Variants in GMPR observed in about 807,000 individuals in gnomAD.
The protein encoded by GMPR is guanosine monophosphate reductase, also known as GMP reductase 1.
In GMPR, 31 loss-of-function variants were observed where a neutral mutation model predicts 38.4. That is an observed-to-expected ratio of 0.81 (90% CI 0.61 to 1.09). The LOEUF (loss-of-function observed/expected upper bound fraction) is 1.09, where lower values mean the gene tolerates loss of function less well. GMPR is among the 50% of genes least tolerant of loss of function. The pLI is 0.00. For synonymous variants in GMPR, 162 were observed against 173.3 expected, an observed-to-expected ratio of 0.93 and a Z score of 0.51; for missense variants, 468 against 453.7, an observed-to-expected ratio of 1.03 and a Z score of -0.29.
rs760571328 is a variant in GMPR at position 16,290,464 on chromosome 6, G to A, written c.700G>A (p.Ala234Thr). The A allele has an allele frequency of 2.2e-5, 36 of 1,613,708 alleles. No homozygotes were observed. Among genetic ancestry groups the A allele is most frequent in the Non-Finnish European group, 2.5e-5 (30 of 1,179,696 alleles). ...CPGDVAKAFGAGADFVMLGGM... is the reference protein window; with the variant it reads ...CPGDVAKAFGTGADFVMLGGM... ...TCATCCCCACCGTTGGCATTTAGGA[G>A]CTGGAGCAGATTTTGTCATGCTGGG... Residue 234 changes from alanine to threonine, a missense_variant and splice_region_variant, in exon 8 of 9, where the codon GCT (alanine) becomes ACT (threonine). Physicochemically the swap from Ala to Thr is moderately conservative, Grantham distance 58. Coordinates refer to ENST00000259727, the MANE Select transcript of GMPR (RefSeq NM_006877.4).
chr6:16,288,166 C>T (rs1338461231), intron 7 of GMPR, among the ~76,000 whole-genome samples: 1 of 152,254 alleles, frequency 6.6e-6, no homozygotes, highest in African/African-American at 2.4e-5. Context: ...ACTTGAGGAG[C>T]CCTTCAGCCC....
chr6:16,257,432 T>G (rs1484815327), intron 4 of GMPR, among the ~76,000 whole-genome samples: 1 of 152,184 alleles, frequency 6.6e-6, no homozygotes, highest in East Asian at 1.9e-4. Flanking sequence ...TATTTGAGAT[T>G]CACCACATTG....
At chr6:16,291,908 C>CAA (rs758154367) in intron 8 of GMPR, among the ~76,000 whole-genome samples, 10 of 78,512 alleles carry the variant, frequency 1.3e-4, no homozygotes, top group Admixed American at 2.7e-4. Flanking sequence ...GATACCCTGC[C>CAA]AAAAAAAAAA....
In GMPR at chr6:16,295,003, C is replaced by T. The variant is rs1204691860; in HGVS notation, c.858-3C>T. On this transcript the variant is annotated splice_polypyrimidine_tract_variant and splice_region_variant and intron_variant, in intron 8 of 8. Transcript: ENST00000259727. ...TAAAAAGAAAACTTCTATCGTCTTC[C>T]AGAGCCTCTGAGGGTAAGACTGTGG... 2 of 1,605,300 alleles carry T rather than the reference C, an allele frequency of 1.2e-6. No individual in the cohort carries two copies. The highest frequency in any genetic ancestry group is 1.7e-6 in the Non-Finnish European group (2 of 1,175,596).
intron 4 of GMPR, among the ~76,000 whole-genome samples, chr6:16,261,113 G>T (rs1759076229): frequency 6.6e-6 from 1 of 151,948 alleles, no homozygotes; most frequent in African/African-American, 2.4e-5. Context: ...AAACAGTAAG[G>T]TCAAGTTGTT....
At chr6:16,281,386 G>C (rs1353778191) in intron 6 of GMPR, among the ~76,000 whole-genome samples, 2 of 152,350 alleles carry the variant, frequency 1.3e-5, no homozygotes, top group South Asian at 4.1e-4. Flanking sequence ...GAATTTAACA[G>C]TTAGGGACAA....
At chr6:16,286,919 A>G (rs572595149) in intron 7 of GMPR, among the ~76,000 whole-genome samples, 1 of 152,358 alleles carries the variant, frequency 6.6e-6, no homozygotes, top group Admixed American at 6.5e-5. Flanking sequence ...AATATAAAAA[A>G]TAAAAATTAA....
intron 3 of GMPR, 92 bp downstream of exon 3, chr6:16,250,459 G>A (rs1758849732): frequency 1.3e-6 from 1 of 787,150 alleles, no homozygotes; most frequent in Non-Finnish European, 2.3e-6. Flanking sequence ...GTAGCAGAGA[G>A]ACATTGAGAG....
intron 1 of GMPR, among the ~76,000 whole-genome samples, chr6:16,243,096 A>T (rs975065558): frequency 3.9e-5 from 6 of 152,174 alleles, no homozygotes; most frequent in Admixed American, 3.9e-4. Context: ...AATTCAACCC[A>T]TAACAGACAG....
chr6:16,266,728 A>G (rs1268947924), intron 4 of GMPR, among the ~76,000 whole-genome samples: 2 of 150,988 alleles, frequency 1.3e-5, no homozygotes, highest in African/African-American at 2.4e-5. Context: ...GGAGAATTGC[A>G]TGAACCTGGG....
At chr6:16,257,375 A>G (rs1396790461) in intron 4 of GMPR, among the ~76,000 whole-genome samples, 5 of 152,158 alleles carry the variant, frequency 3.3e-5, no homozygotes, top group Admixed American at 2.6e-4. Flanking sequence ...TAAACATTCC[A>G]TAAGTGGTCA....
intron 7 of GMPR, among the ~76,000 whole-genome samples, chr6:16,287,995 C>T (rs984168304): frequency 3.3e-5 from 5 of 152,248 alleles, no homozygotes; most frequent in South Asian, 2.1e-4. Context: ...CCTCCTTCAT[C>T]CTATTACTTA....
At chr6:16,244,359 C>T (rs1209567967) in intron 1 of GMPR, among the ~76,000 whole-genome samples, 1 of 151,888 alleles carries the variant, frequency 6.6e-6, no homozygotes, top group South Asian at 2.1e-4. Context: ...ACTACAGGCT[C>T]GCACCACCCA....
chr6:16,267,573 A>T (rs112082411), intron 4 of GMPR, among the ~76,000 whole-genome samples: 3,945 of 152,282 alleles, frequency 0.026, 71 homozygotes, highest in Middle Eastern at 0.054. Flanking sequence ...CTCCGGACAC[A>T]TCTGAACATC....
intron 4 of GMPR, among the ~76,000 whole-genome samples, chr6:16,259,534 T>C (rs1759041333): frequency 6.6e-6 from 1 of 151,894 alleles, no homozygotes; most frequent in African/African-American, 2.4e-5. Flanking sequence ...GCGATGTTTC[T>C]CAGGGCTGCT....
chr6:16,288,778 A>G (rs942682632), intron 7 of GMPR, among the ~76,000 whole-genome samples: 4 of 152,154 alleles, frequency 2.6e-5, no homozygotes, highest in Middle Eastern at 3.2e-3. Flanking sequence ...AAATACACCA[A>G]TGGGCACTCT....
chr6:16,241,505 A>T (rs1357484001), intron 1 of GMPR, among the ~76,000 whole-genome samples: 2 of 152,206 alleles, frequency 1.3e-5, no homozygotes, highest in Non-Finnish European at 2.9e-5. Flanking sequence ...TTCTCCAGGG[A>T]GGCATTCATC....
chr6:16,272,479 A>G (rs1032833397), intron 4 of GMPR, among the ~76,000 whole-genome samples: 2 of 152,260 alleles, frequency 1.3e-5, no homozygotes, highest in Admixed American at 6.5e-5. Context: ...AATTTTCCCA[A>G]AAGAAATAGA....
chr6:16,242,496 G>A (rs1020365029), intron 1 of GMPR, among the ~76,000 whole-genome samples: 8 of 152,052 alleles, frequency 5.3e-5, no homozygotes, highest in African/African-American at 1.7e-4. Flanking sequence ...TCCTTCTGAG[G>A]GCTGGGAGGG....
Sources: gnomAD v4.1 joint callset for allele counts (sites outside exome capture counted in the v4.1 genomes callset) on GRCh38, gnomAD v4.1.1 for gene constraint, MANE v1.5 for transcripts, NCBI Gene and HGNC (gene_info 2026-07-23, HGNC 2026-07-21) for gene names.